The following ZNF140 variants were observed in gnomAD, a reference collection of about 807,000 sequenced individuals.
The protein encoded by ZNF140 is zinc finger protein 140, also known as zinc finger protein 140 (clone pHZ-39).
A neutral mutation model predicts 12.9 loss-of-function variants in ZNF140; 13 were observed. The ratio of observed to expected loss-of-function variants is 1.01; its 90% CI spans 0.66 to 1.60. The LOEUF (loss-of-function observed/expected upper bound fraction) is 1.60, where lower values mean the gene tolerates loss of function less well. ZNF140 is among the 40% of genes most tolerant of loss of function. ZNF140 has a pLI of 0.00. For missense variants in ZNF140, 531 were observed against 548.8 expected (o/e 0.97, Z 0.32); for synonymous variants, 214 against 186.7 (o/e 1.15, Z -1.19).
intron 4 of ZNF140, among the ~76,000 whole-genome samples, chr12:133,096,098 A>AT (rs1955109249): frequency 6.6e-6 from 1 of 151,580 alleles, no homozygotes; most frequent in Non-Finnish European, 1.5e-5. Context: ...ACGAGGCCAT[A>AT]TTTCAGACTA....
At chr12:133,085,088 G>C (rs1013332700) in intron 4 of ZNF140, among the ~76,000 whole-genome samples, 2 of 151,716 alleles carry the variant, frequency 1.3e-5, no homozygotes, top group Admixed American at 1.3e-4. Flanking sequence ...GCGATGGCGC[G>C]ATCTCAGCTT....
chr12:133,095,022 A>G (rs1955018503), intron 4 of ZNF140, among the ~76,000 whole-genome samples: 2 of 151,172 alleles, frequency 1.3e-5, no homozygotes. Context: ...TTTCAGGGGC[A>G]TCAGAAACTG....
At chr12:133,103,495 C>G (rs1361958015) in intron 4 of ZNF140, among the ~76,000 whole-genome samples, 2 of 150,358 alleles carry the variant, frequency 1.3e-5, no homozygotes, top group African/African-American at 4.9e-5. Context: ...AGGCTGGTCT[C>G]AAACTCTAGG....
chr12:133,083,655 T>G, intron 4 of ZNF140, 94 bp downstream of exon 4: 1 of 1,280,106 alleles, frequency 7.8e-7, no homozygotes, highest in Non-Finnish European at 1.1e-6. Context: ...TTGGAAAATT[T>G]TCCCTTAAAG....
chr12:133,083,639 T>A, intron 4 of ZNF140, 78 bp downstream of exon 4: 1 of 1,384,704 alleles, frequency 7.2e-7, no homozygotes, highest in Non-Finnish European at 1.0e-6. Context: ...CTTTTTAATA[T>A]GTTGATTGGA....
intron 2 of ZNF140, 42 bp downstream of exon 2, chr12:133,081,371 A>ATAT (rs1593734785): frequency 0.014 from 3,436 of 251,430 alleles, 157 homozygotes; most frequent in Non-Finnish European, 0.019. Flanking sequence ...ATATATATAT[A>ATAT]AATTTTTATT....
chr12:133,088,401 A>T (rs1954751394), intron 4 of ZNF140, among the ~76,000 whole-genome samples: 1 of 152,242 alleles, frequency 6.6e-6, no homozygotes, highest in Non-Finnish European at 1.5e-5. Flanking sequence ...ATACATAGTA[A>T]TATGCATTTT....
intron 4 of ZNF140, among the ~76,000 whole-genome samples, chr12:133,090,637 A>C (rs1447657498): frequency 1.6e-5 from 2 of 128,810 alleles, no homozygotes; most frequent in African/African-American, 2.7e-5. Context: ...ATAGAGAAAC[A>C]ACAGTGGGCC....
intron 4 of ZNF140, among the ~76,000 whole-genome samples, chr12:133,088,742 A>C (rs1352164643): frequency 6.6e-6 from 1 of 152,212 alleles, no homozygotes; most frequent in Non-Finnish European, 1.5e-5. Context: ...TGATATTATC[A>C]TGTGATTTTA....
At chr12:133,087,792 G>A (rs1026325597) in intron 4 of ZNF140, among the ~76,000 whole-genome samples, 2 of 152,014 alleles carry the variant, frequency 1.3e-5, no homozygotes, top group East Asian at 3.9e-4. Context: ...CTTCTCTATA[G>A]GAATGCTAGT....
At chr12:133,095,515 C>T (rs371900920) in intron 4 of ZNF140, among the ~76,000 whole-genome samples, 1 of 151,040 alleles carries the variant, frequency 6.6e-6, no homozygotes, top group Non-Finnish European at 1.5e-5. Flanking sequence ...TATTTCTAGT[C>T]GGGTGGGATG....
intron 4 of ZNF140, among the ~76,000 whole-genome samples, chr12:133,095,892 C>T (rs1303957613): frequency 5.9e-5 from 9 of 151,988 alleles, no homozygotes; most frequent in Admixed American, 3.3e-4. Context: ...CACCATAGGG[C>T]GGTTTTGCTA....
At position 133,106,122 on chromosome 12, in the gene ZNF140, T is replaced by A; in HGVS notation, c.845T>A (p.Phe282Tyr). The change falls in exon 5 of 5, where the codon TTT becomes TAT. Residue 282 changes from phenylalanine to tyrosine, a missense_variant. Transcript: ENST00000355557. ...QYICRKCGKA[F>Y]SSGSELIRHQ... ...ATATGTAGGAAATGTGGTAAAGCAT[T>A]TAGCAGTGGCTCAGAACTCATTCGC... 2 of 1,614,146 alleles carry A rather than the reference T, an allele frequency of 1.2e-6. No individual in the cohort carries two copies. Among genetic ancestry groups the A allele is most frequent in the Non-Finnish European group, 1.7e-6 (2 of 1,180,022 alleles).
chr12:133,083,021 A>C, intron 2 of ZNF140, 82 bp from the exon 3 acceptor site: 1 of 1,605,854 alleles, frequency 6.2e-7, no homozygotes, highest in Non-Finnish European at 8.5e-7. Context: ...CCTAACCTCC[A>C]CAGTGAGACT....
In ZNF140 at chr12:133,081,355, A is replaced by ATATATATATG. The variant is rs1593734213; in HGVS notation, c.9+35_9+36insGTATATATAT. The ATATATATATG allele has an allele frequency of 2.0e-5, 5 of 253,880 alleles. No individual in the cohort carries two copies. The East Asian group carries it at 4.1e-4, about 21-fold the overall frequency. The allele number at this position is 253,880 out of a possible 1,614,324, so 15.7% of individuals were successfully genotyped here. On this transcript the variant is annotated intron_variant, in intron 2 of 4. Coordinates refer to ENST00000355557, the MANE Select transcript of ZNF140 (RefSeq NM_003440.4). ...GTAAGCTAATGATTGATAAATATAT[A>ATATATATATG]TATATATATATATATAAATTTTTAT...
At chr12:133,090,564 G>A (rs1954820559) in intron 4 of ZNF140, among the ~76,000 whole-genome samples, 1 of 152,050 alleles carries the variant, frequency 6.6e-6, no homozygotes, top group South Asian at 2.1e-4. Flanking sequence ...CTCCACACCT[G>A]TGGGTATTTC....
At chr12:133,083,908 C>T (rs1318983477) in intron 4 of ZNF140, among the ~76,000 whole-genome samples, 14 of 150,216 alleles carry the variant, frequency 9.3e-5, no homozygotes, top group Admixed American at 4.7e-4. Context: ...TGCAGTGAGT[C>T]GAGATTGCGC....
chr12:133,092,451 C>T lies in ZNF140; in HGVS notation c.232+8890C>T, dbSNP rs980011518. 2.6e-3 allele frequency among the ~76,000 whole-genome samples: 396 copies of T among 151,302 alleles called. 32 individuals carry two copies. The highest frequency in any genetic ancestry group is 8.8e-3 in the African/African-American group (362 of 40,906). ...ACAACTAGCATATAAGGGGGTTTTA[C>T]ACAACTTTGCAAAGGAATTGTCAGA... On this transcript the variant is annotated intron_variant, in intron 4 of 4. Transcript: ENST00000355557.
At chr12:133,100,780 A>G (rs1466659460) in intron 4 of ZNF140, among the ~76,000 whole-genome samples, 1 of 152,166 alleles carries the variant, frequency 6.6e-6, no homozygotes, top group African/African-American at 2.4e-5. Flanking sequence ...GAACACAAGC[A>G]CTACGATACT....
Sources: gnomAD v4.1 joint callset for allele counts (sites outside exome capture counted in the v4.1 genomes callset) on GRCh38, gnomAD v4.1.1 for gene constraint, MANE v1.5 for transcripts, NCBI Gene and HGNC (gene_info 2026-07-23, HGNC 2026-07-21) for gene names.